Variants in ATP8B4 observed in about 807,000 individuals in gnomAD.
The protein encoded by ATP8B4 is probable phospholipid-transporting ATPase IM.
ATP8B4 carries 133 observed loss-of-function variants against 145.6 expected under a neutral mutation model. That is an observed-to-expected ratio of 0.91 (90% CI 0.79 to 1.05). ATP8B4 has a LOEUF of 1.05. Among genes scored for constraint, ATP8B4 ranks in the 50% least tolerant of loss-of-function variants. The probability of loss-of-function intolerance (pLI) is 0.00; values close to 1 mark genes in which losing one functional copy is unlikely to be tolerated. For missense variants in ATP8B4, 1,458 were observed against 1,425.2 expected (o/e 1.02, Z -0.37); for synonymous variants, 507 against 492.9 (o/e 1.03, Z -0.38).
chr15:49,883,140 C>T (rs1433522381), intron 23 of ATP8B4: 1 of 145,374 alleles, frequency 6.9e-6, no homozygotes, highest in African/African-American at 2.5e-5. Flanking sequence ...ATTACACTCA[C>T]TTCCATTTTT....
rs28747391 is a variant in ATP8B4, at chr15:49,927,213, G to C, written c.1643-3719C>G. On this transcript the variant is annotated intron_variant, in intron 16 of 27. Coordinates refer to ENST00000284509, the MANE Select transcript of ATP8B4 (RefSeq NM_024837.4). The stretch of plus-strand genomic sequence containing the variant: ...AATCAATTTTTATGTAGATACTTCT[G>C]ACTTAAATCAGGGCTCTTTCTTCAG... Among the ~76,000 whole-genome samples, 401 of 152,106 alleles carry C rather than the reference G, an allele frequency of 2.6e-3. 4 individuals carry two copies. The highest frequency in any genetic ancestry group is 9.5e-3 in the African/African-American group (396 of 41,504).
chr15:49,927,412 A>T (rs2040827106), intron 16 of ATP8B4, among the ~76,000 whole-genome samples: 1 of 152,064 alleles, frequency 6.6e-6, no homozygotes, highest in South Asian at 2.1e-4. Flanking sequence ...AACCCATGTG[A>T]CGATCATGAG....
intron 14 of ATP8B4, among the ~76,000 whole-genome samples, chr15:49,942,958 G>A (rs1020367880): frequency 1.3e-5 from 2 of 152,072 alleles, no homozygotes; most frequent in Admixed American, 6.6e-5. Flanking sequence ...ACAAGCTCAA[G>A]AAAATGACGC....
rs146371563 is a variant in ATP8B4, at chr15:49,899,263, C to G, written c.2290-1012G>C. On this transcript the variant is annotated intron_variant, in intron 21 of 27. Coordinates refer to ENST00000284509, the MANE Select transcript of ATP8B4 (RefSeq NM_024837.4). ...TCTCTCCAGGAAGTCTTCCCTGATT[C>G]TCCCACAAAGAAGTAAATTTGTCTC... Among the ~76,000 whole-genome samples, 301 of 152,258 alleles carry G rather than the reference C, an allele frequency of 2.0e-3. 1 individual carries two copies. The highest frequency in any genetic ancestry group is 6.7e-3 in the African/African-American group (277 of 41,552).
chr15:50,154,427 T>C (rs2044386861), intron 1 of ATP8B4, among the ~76,000 whole-genome samples: 2 of 152,154 alleles, frequency 1.3e-5, no homozygotes, highest in South Asian at 4.1e-4. Context: ...ACATTTTATG[T>C]CTTTCTTACA....
intron 2 of ATP8B4, among the ~76,000 whole-genome samples, chr15:50,095,960 C>A (rs2055956181): frequency 6.6e-6 from 1 of 152,120 alleles, no homozygotes; most frequent in South Asian, 2.1e-4. Context: ...ATTGATAAAA[C>A]TATTAGATCG....
intron 13 of ATP8B4, among the ~76,000 whole-genome samples, chr15:49,968,904 T>C (rs990142222): frequency 3.3e-5 from 5 of 152,066 alleles, no homozygotes; most frequent in Admixed American, 6.6e-5. Context: ...TGCAAAAGAA[T>C]GGAAATCACA....
intron 1 of ATP8B4, among the ~76,000 whole-genome samples, chr15:50,112,929 A>G (rs2057020375): frequency 6.6e-6 from 1 of 152,038 alleles, no homozygotes; most frequent in African/African-American, 2.4e-5. Context: ...TAACCCAACC[A>G]AGCGTGGAGA....
intron 6 of ATP8B4, among the ~76,000 whole-genome samples, chr15:50,037,677 A>C (rs1298489585): frequency 6.6e-6 from 1 of 152,200 alleles, no homozygotes; most frequent in East Asian, 1.9e-4. Flanking sequence ...GCTAACCTGG[A>C]ATTGAACCAT....
intron 2 of ATP8B4, among the ~76,000 whole-genome samples, chr15:50,091,059 T>G (rs1387628052): frequency 6.6e-6 from 1 of 152,202 alleles, no homozygotes; most frequent in Non-Finnish European, 1.5e-5. Flanking sequence ...CATTTGAGAT[T>G]ACCTCACATG....
At position 49,876,354 on chromosome 15, in the gene ATP8B4, T is replaced by C. The variant is rs2034419313; in HGVS notation, c.2951A>G (p.Asp984Gly). The C allele has an allele frequency of 6.2e-6, 10 of 1,613,968 alleles. No homozygotes were observed. The highest frequency in any genetic ancestry group is 8.5e-6 in the Non-Finnish European group (10 of 1,179,986). ...YGAFYNVAGE[D>G]GQHIADYQSF... ...CTGGTAGTCAGCAATATGTTGCCCA[T>C]CTTCTCCAGCCACGTTGTAAAAGGC... The change falls in exon 25 of 28, where the codon GAT becomes GGT. Residue 984 changes from aspartate to glycine, a missense_variant. Physicochemically the swap from Asp to Gly is moderately conservative, Grantham distance 94. Coordinates refer to ENST00000284509, the MANE Select transcript of ATP8B4 (RefSeq NM_024837.4).
chr15:49,931,440 C>T lies in ATP8B4; in HGVS notation c.1454-133G>A, dbSNP rs1055287829. On this transcript the variant is annotated intron_variant, in intron 15 of 27. Transcript: ENST00000284509. The stretch of plus-strand genomic sequence containing the variant: ...CTAAAAATCTTTCCTGTCCTCAGAT[C>T]TTTTCTACTCACCAACAGCTCAATC... 3.7e-6 allele frequency: 3 copies of T among 817,020 alleles called. No individual in the cohort carries two copies. In the East Asian group the frequency reaches 8.0e-5, roughly 22 times the overall value. 50.6% of individuals were successfully genotyped at this position (817,020 alleles called of 1,614,324 possible).
chr15:50,047,158 GA>G (rs1481944580), intron 4 of ATP8B4, among the ~76,000 whole-genome samples, 192 bp downstream of exon 4: 3 of 152,172 alleles, frequency 2.0e-5, no homozygotes, highest in Admixed American at 6.5e-5. Flanking sequence ...TTAAAATGAT[GA>G]ATGTACTACT....
rs552273671 is a variant in ATP8B4 at position 50,023,813 on chromosome 15, A to G, written c.363-12896T>C. Among the ~76,000 whole-genome samples the G allele has an allele frequency of 2.0e-5, 3 of 151,330 alleles. No individual in the cohort carries two copies. The East Asian group carries it at 5.8e-4, about 29-fold the overall frequency. On this transcript the variant is annotated intron_variant, in intron 6 of 27. Coordinates refer to ENST00000284509, the MANE Select transcript of ATP8B4 (RefSeq NM_024837.4). The stretch of plus-strand genomic sequence containing the variant: ...AAAAAAAAAGAAAAAAAAGAAAAAA[A>G]AAAAGCCTTTTAAAACTATAATGAA...
chr15:50,152,428 T>TG (rs1256630681), intron 1 of ATP8B4, among the ~76,000 whole-genome samples: 2 of 152,290 alleles, frequency 1.3e-5, no homozygotes, highest in East Asian at 3.8e-4. Context: ...ATCAATAACA[T>TG]GCCCATAAAT....
intron 18 of ATP8B4, 38 bp from the exon 19 acceptor site, chr15:49,918,988 T>A: frequency 1.4e-6 from 2 of 1,404,880 alleles, no homozygotes; most frequent in Non-Finnish European, 2.0e-6. Flanking sequence ...TGTTAATGCA[T>A]GCAAACAATA....
intron 1 of ATP8B4, among the ~76,000 whole-genome samples, chr15:50,126,856 C>G (rs897243701): frequency 4.6e-5 from 7 of 151,538 alleles, no homozygotes; most frequent in Non-Finnish European, 8.8e-5. Flanking sequence ...AACCTGCCCA[C>G]AGCCCCCACA....
chr15:49,907,901 AT>A (rs1482202889), intron 20 of ATP8B4: 4 of 368,712 alleles, frequency 1.1e-5, no homozygotes, highest in African/African-American at 8.5e-5. Context: ...TAACAACTAT[AT>A]TTTTAGGTTA....
intron 3 of ATP8B4, among the ~76,000 whole-genome samples, chr15:50,056,197 A>G (rs1182879136): frequency 6.6e-6 from 1 of 152,176 alleles, no homozygotes; most frequent in East Asian, 1.9e-4. Flanking sequence ...CAGAGGGCAC[A>G]TATCCCCCAA....
Sources: allele counts gnomAD v4.1 joint callset (sites outside exome capture counted in the v4.1 genomes callset), GRCh38; gene constraint gnomAD v4.1.1; transcripts MANE v1.5; gene names NCBI Gene and HGNC (gene_info 2026-07-23, HGNC 2026-07-21).